Variants in LDLRAD4 observed in about 807,000 individuals in gnomAD.
LDLRAD4 encodes the protein low-density lipoprotein receptor class A domain-containing protein 4.
LDLRAD4 carries 5 observed loss-of-function variants against 17.0 expected under a neutral mutation model. The observed-to-expected ratio is 0.29, with a 90% CI of 0.15 to 0.62. LDLRAD4 has a LOEUF of 0.62. LDLRAD4 is among the 20% of genes least tolerant of loss of function. The pLI is 0.84. For synonymous variants in LDLRAD4, 168 were observed against 171.8 expected (o/e 0.98, Z 0.17); for missense variants, 340 against 424.7 (o/e 0.80, Z 1.75).
chr18:13,598,307 G>A (rs1381839671), intron 3 of LDLRAD4, among the ~76,000 whole-genome samples: 1 of 152,342 alleles, frequency 6.6e-6, no homozygotes, highest in African/African-American at 2.4e-5. Flanking sequence ...GTCACCCTGG[G>A]ATGGCAGTGA....
chr18:13,508,223 G>A (rs749805665), intron 3 of LDLRAD4, among the ~76,000 whole-genome samples: 3 of 152,210 alleles, frequency 2.0e-5, no homozygotes, highest in Admixed American at 1.3e-4. Flanking sequence ...AAAGTTGGAA[G>A]CTAGCAGAGG....
intron 3 of LDLRAD4, 144 bp from the exon 5 acceptor site, chr18:13,620,973 T>A: frequency 1.7e-6 from 2 of 1,166,124 alleles, no homozygotes; most frequent in Non-Finnish European, 2.5e-6. Context: ...AGTGGGACAG[T>A]CGTTTCTGTG....
intron 1 of LDLRAD4, among the ~76,000 whole-genome samples, chr18:13,330,650 G>A (rs967921986): frequency 3.3e-5 from 5 of 152,136 alleles, no homozygotes; most frequent in Non-Finnish European, 7.3e-5. Context: ...CCCTTTTCCT[G>A]ACATACAACT....
At chr18:13,498,173 C>G in intron 3 of LDLRAD4, among the ~76,000 whole-genome samples, 1 of 150,090 alleles carries the variant, frequency 6.7e-6, no homozygotes, top group African/African-American at 2.5e-5. Flanking sequence ...CCTCTGTGGA[C>G]ACTGGAGAAT....
intron 3 of LDLRAD4, among the ~76,000 whole-genome samples, chr18:13,552,759 C>T (rs896249750): frequency 1.3e-4 from 20 of 152,204 alleles, no homozygotes; most frequent in Non-Finnish European, 2.4e-4. Flanking sequence ...ATCTGTCCGT[C>T]TCCCTCTTCA....
chr18:13,611,482 C>T (rs2039551926), intron 3 of LDLRAD4: 1 of 984,998 alleles, frequency 1.0e-6, no homozygotes, highest in Non-Finnish European at 1.2e-6. Context: ...TGGGGGCATC[C>T]GAATGCACGG....
Position 13,645,042 on chromosome 18 carries a change from C to T in LDLRAD4, c.391-85C>T, listed in dbSNP as rs2042943490. On this transcript the variant is annotated intron_variant, in intron 5 of 5. Coordinates refer to ENST00000359446, the Ensembl canonical transcript of LDLRAD4. The surrounding 1 kb of genome is among the most constrained non-coding windows in gnomAD (Gnocchi z 5.7). ...TGTTCAAACTGGTAGGAACACACAC[C>T]AAGCGTAACTTTCCTTGATTCTGAC... 8.8e-7 allele frequency: 1 copy of T among 1,135,178 alleles called. No homozygotes were observed. Among genetic ancestry groups the T allele is most frequent in the African/African-American group, 1.5e-5 (1 of 64,606 alleles). 70.3% of individuals were successfully genotyped at this position (1,135,178 alleles called of 1,614,324 possible).
chr18:13,438,017 C>T (rs1284486504), intron 2 of LDLRAD4, among the ~76,000 whole-genome samples: 3 of 152,194 alleles, frequency 2.0e-5, no homozygotes, highest in Non-Finnish European at 4.4e-5. Flanking sequence ...AGGTGGGCCT[C>T]GGTGCCCCTG....
intron 3 of LDLRAD4, among the ~76,000 whole-genome samples, chr18:13,474,488 T>G (rs2092885464): frequency 6.6e-6 from 1 of 152,228 alleles, no homozygotes. Flanking sequence ...CATTGCTCCC[T>G]CCATGCAGGA....
chr18:13,600,681 T>C (rs948275), intron 3 of LDLRAD4, among the ~76,000 whole-genome samples: 67,672 of 152,030 alleles, frequency 0.45, 15,192 homozygotes, highest in African/African-American at 0.52. Flanking sequence ...GATTTCTGCC[T>C]CTCAGAGGAT....
At position 13,526,931 on chromosome 18, in the gene LDLRAD4, C is replaced by G. The variant is rs114697439; in HGVS notation, c.181+88547C>G. Among the ~76,000 whole-genome samples the G allele has an allele frequency of 3.4e-3, 514 of 152,278 alleles. 2 individuals are homozygous for G. The highest frequency in any genetic ancestry group is 0.012 in the African/African-American group (495 of 41,558). ...CCTCACTTCCTTCCCTGAGTGGTGT[C>G]CTGGCCCCTTTTCTGGTTACTGTCT... On this transcript the variant is annotated intron_variant, in intron 3 of 5. Coordinates refer to ENST00000359446, the Ensembl canonical transcript of LDLRAD4.
At position 13,333,599 on chromosome 18, in the gene LDLRAD4, G is replaced by T. The variant is rs1438482313; in HGVS notation, c.-382-53742G>T. Among the ~76,000 whole-genome samples the T allele has an allele frequency of 3.9e-5, 6 of 152,340 alleles. No homozygotes were observed. The East Asian group carries it at 1.2e-3, about 29-fold the overall frequency. On this transcript the variant is annotated intron_variant, in intron 1 of 5. Coordinates refer to ENST00000359446, the Ensembl canonical transcript of LDLRAD4. ...TTTTTGTGAAGGGTGTAAGGTATGT[G>T]TCTAGGTTTATTTATTTTTGCATGA...
chr18:13,611,621 G>C (rs2039566469), intron 3 of LDLRAD4: 1 of 985,284 alleles, frequency 1.0e-6, no homozygotes, highest in East Asian at 1.1e-4. Flanking sequence ...GAATTGCCTG[G>C]GATTCTGTTC....
chr18:13,565,560 G>T (rs537797853), intron 3 of LDLRAD4, among the ~76,000 whole-genome samples: 1 of 152,382 alleles, frequency 6.6e-6, no homozygotes, highest in East Asian at 1.9e-4. Context: ...CCGTCCTGGC[G>T]CTTGTCTTGG....
At chr18:13,443,863 G>A (rs1001921340) in intron 3 of LDLRAD4, among the ~76,000 whole-genome samples, 1 of 152,138 alleles carries the variant, frequency 6.6e-6, no homozygotes, top group African/African-American at 2.4e-5. Context: ...CTGCCACGTG[G>A]TAGGTAATGC....
At chr18:13,631,529 C>A (rs957297951) in intron 4 of LDLRAD4, among the ~76,000 whole-genome samples, 2 of 152,180 alleles carry the variant, frequency 1.3e-5, no homozygotes, top group African/African-American at 4.8e-5. Context: ...CAAAGCCAGA[C>A]AAAGACACAG....
intron 1 of LDLRAD4, among the ~76,000 whole-genome samples, chr18:13,263,240 GTGCGGCTCTGCGTGGAAACCGAATCCCA>G (rs1367860524): frequency 6.6e-6 from 1 of 150,592 alleles, no homozygotes; most frequent in East Asian, 2.0e-4. Flanking sequence ...GCTGAGTCCC[GTGCGGCTCTGCGTGGAAACCGAATCCCA>G]TGCGGCTCTG....
At chr18:13,637,898 A>G (rs1290618760) in intron 4 of LDLRAD4, among the ~76,000 whole-genome samples, 1 of 150,324 alleles carries the variant, frequency 6.7e-6, no homozygotes, top group Non-Finnish European at 1.5e-5. Context: ...AGAGAGAGAG[A>G]GGTAATGGAA....
intron 1 of LDLRAD4, among the ~76,000 whole-genome samples, chr18:13,365,315 G>T (rs1161167703): frequency 6.6e-6 from 1 of 152,152 alleles, no homozygotes; most frequent in Non-Finnish European, 1.5e-5. Context: ...CTGTCTTCTC[G>T]CAGAGATGCT....
Sources: allele counts gnomAD v4.1 joint callset (sites outside exome capture counted in the v4.1 genomes callset), GRCh38; gene constraint gnomAD v4.1.1; non-coding constraint Gnocchi (gnomAD v3.1); transcripts MANE v1.5; gene names NCBI Gene and HGNC (gene_info 2026-07-23, HGNC 2026-07-21).